PACS1: variants seen among roughly 807,000 people sequenced by gnomAD.
The protein encoded by PACS1 is phosphofurin acidic cluster sorting protein 1.
A neutral mutation model predicts 115.0 loss-of-function variants in PACS1; 24 were observed. That is an observed-to-expected ratio of 0.21 (90% CI 0.15 to 0.29). PACS1 has a LOEUF of 0.29. Among genes scored for constraint, PACS1 ranks in the 10% least tolerant of loss-of-function variants. PACS1 has a pLI of 1.00. For synonymous variants in PACS1, 453 were observed against 504.5 expected (o/e 0.90, Z 1.37); for missense variants, 838 against 1,251.2 (o/e 0.67, Z 4.98).
At chr11:66,186,867 G>T (rs542142916) in intron 1 of PACS1, among the ~76,000 whole-genome samples, 1 of 152,152 alleles carries the variant, frequency 6.6e-6, no homozygotes, top group Non-Finnish European at 1.5e-5. Flanking sequence ...TAACGTTGCC[G>T]TTGTTGGCCA....
chr11:66,099,751 A>AT (rs968088705), intron 1 of PACS1, among the ~76,000 whole-genome samples: 10 of 151,534 alleles, frequency 6.6e-5, no homozygotes, highest in African/African-American at 2.4e-4. Context: ...TTGCCATGTT[A>AT]TTCAGGCTGG....
intron 1 of PACS1, among the ~76,000 whole-genome samples, chr11:66,112,188 C>G (rs1858206661): frequency 6.6e-6 from 1 of 152,216 alleles, no homozygotes; most frequent in South Asian, 2.1e-4. Flanking sequence ...GCCTAATCCC[C>G]TCCAGTAAAA....
chr11:66,189,876 G>A (rs185883778), intron 1 of PACS1, among the ~76,000 whole-genome samples: 10 of 152,320 alleles, frequency 6.6e-5, no homozygotes, highest in Non-Finnish European at 1.5e-4. Flanking sequence ...AAACAGAGCC[G>A]AGAAACTAGG....
chr11:66,158,537 C>CA (rs1313857883), intron 1 of PACS1, among the ~76,000 whole-genome samples: 3 of 152,082 alleles, frequency 2.0e-5, no homozygotes, highest in African/African-American at 7.2e-5. Flanking sequence ...CCTGTCTCTA[C>CA]AAAAACAGAA....
chr11:66,181,177 T>C (rs10750778), intron 1 of PACS1, among the ~76,000 whole-genome samples: 31,087 of 151,088 alleles, frequency 0.21, 3,274 homozygotes, highest in Middle Eastern at 0.28. Flanking sequence ...AAGTATTTTT[T>C]CTGTTGCTTT....
At chr11:66,238,980 C>G in intron 20 of PACS1, 134 bp downstream of exon 20, 1 of 1,344,580 alleles carries the variant, frequency 7.4e-7, no homozygotes, top group Non-Finnish European at 1.0e-6. Context: ...CCTATGGGCG[C>G]CCTCACTCCC....
chr11:66,150,044 C>T (rs951198436), intron 1 of PACS1, among the ~76,000 whole-genome samples: 5 of 152,156 alleles, frequency 3.3e-5, no homozygotes, highest in African/African-American at 1.2e-4. Context: ...CCACCACGCT[C>T]GGCCAAAACT....
chr11:66,087,350 C>T (rs528501351), intron 1 of PACS1, among the ~76,000 whole-genome samples: 1 of 152,210 alleles, frequency 6.6e-6, no homozygotes, highest in East Asian at 1.9e-4. Flanking sequence ...AAGTGATTCT[C>T]CTGCCTCAGC....
chr11:66,078,322 G>C (rs1857428867), intron 1 of PACS1, among the ~76,000 whole-genome samples: 1 of 152,156 alleles, frequency 6.6e-6, no homozygotes, highest in Admixed American at 6.5e-5. Context: ...GATGTGAAAG[G>C]AGTGACGCCT....
rs1461487518 is a variant in PACS1, at chr11:66,236,723, C to A, written c.2250+783C>A. On this transcript the variant is annotated intron_variant, in intron 19 of 23. Coordinates refer to ENST00000320580, the MANE Select transcript of PACS1 (RefSeq NM_018026.4). The surrounding 1 kb of genome is among the most constrained non-coding windows in gnomAD (Gnocchi z 4.2). ...AAACTCCGATTTCCACTTAAAAGAG[C>A]TTTACATTTCCCTTCGAAACCAGCT... Among the ~76,000 whole-genome samples, 1 of 152,014 alleles carries A rather than the reference C, an allele frequency of 6.6e-6. No individual in the cohort carries two copies. Among genetic ancestry groups the A allele is most frequent in the Non-Finnish European group, 1.5e-5 (1 of 68,002 alleles).
chr11:66,231,089 T>G, intron 13 of PACS1, 149 bp downstream of exon 13: 2 of 990,828 alleles, frequency 2.0e-6, no homozygotes, highest in Non-Finnish European at 3.0e-6. Context: ...AAGACTAAAT[T>G]AGAGAGGTCT....
chr11:66,177,413 AC>A (rs1859892676), intron 1 of PACS1, among the ~76,000 whole-genome samples: 1 of 151,736 alleles, frequency 6.6e-6, no homozygotes, highest in African/African-American at 2.4e-5. Context: ...CTGGTCTCGA[AC>A]TCCTGACCTC....
chr11:66,134,598 G>T (rs1426355382), intron 1 of PACS1, among the ~76,000 whole-genome samples: 1 of 151,984 alleles, frequency 6.6e-6, no homozygotes, highest in Non-Finnish European at 1.5e-5. Context: ...GGCTGTAAAA[G>T]CATTTCCAAT....
At chr11:66,094,484 A>T (rs1391119870) in intron 1 of PACS1, among the ~76,000 whole-genome samples, 1 of 151,340 alleles carries the variant, frequency 6.6e-6, no homozygotes, top group African/African-American at 2.4e-5. Flanking sequence ...CACCCTCCCA[A>T]GACTAAACCA....
At chr11:66,214,620 C>CTTTTTTT (rs578031707) in intron 4 of PACS1, among the ~76,000 whole-genome samples, 2 of 115,346 alleles carry the variant, frequency 1.7e-5, no homozygotes, top group Non-Finnish European at 3.3e-5. Flanking sequence ...TTTTTCTTTT[C>CTTTTTTT]TTTTTTTTTT....
intron 1 of PACS1, among the ~76,000 whole-genome samples, chr11:66,175,716 T>G (rs1308102365): frequency 6.6e-6 from 1 of 152,174 alleles, no homozygotes; most frequent in African/African-American, 2.4e-5. Flanking sequence ...GGTGTCACCT[T>G]CTCCAGGACC....
chr11:66,180,553 C>T (rs1469026125), intron 1 of PACS1, among the ~76,000 whole-genome samples: 9 of 152,110 alleles, frequency 5.9e-5, no homozygotes, highest in Non-Finnish European at 1.2e-4. Context: ...CAGGGTTTCA[C>T]CATGTTGGCC....
At chr11:66,169,566 ATTTT>A (rs59176258) in intron 1 of PACS1, among the ~76,000 whole-genome samples, 13 of 115,282 alleles carry the variant, frequency 1.1e-4, no homozygotes, top group South Asian at 2.7e-4. Flanking sequence ...CGCCCGGCTA[ATTTT>A]TTTTTTTTTT....
intron 1 of PACS1, among the ~76,000 whole-genome samples, chr11:66,089,532 G>T (rs1324572523): frequency 2.6e-5 from 4 of 152,138 alleles, no homozygotes; most frequent in African/African-American, 7.2e-5. Flanking sequence ...GGAACCAGAA[G>T]AATTAAATCC....
Sources: gnomAD v4.1 joint callset for allele counts (sites outside exome capture counted in the v4.1 genomes callset) on GRCh38, gnomAD v4.1.1 for gene constraint, Gnocchi (gnomAD v3.1) non-coding constraint, MANE v1.5 for transcripts, NCBI Gene and HGNC (gene_info 2026-07-23, HGNC 2026-07-21) for gene names.